Variants in EPHA5 observed in about 807,000 individuals in gnomAD.
The protein encoded by EPHA5 is ephrin type-A receptor 5.
Under a neutral mutation model 105.0 loss-of-function variants are expected in EPHA5, and 60 were observed. That is an observed-to-expected ratio of 0.57 (90% CI 0.46 to 0.71). EPHA5 has a LOEUF of 0.71. Among genes scored for constraint, EPHA5 ranks in the 30% least tolerant of loss-of-function variants. EPHA5 has a pLI of 0.00. For missense variants in EPHA5, 1,218 were observed against 1,274.7 expected (o/e 0.96, Z 0.68); for synonymous variants, 513 against 449.1 (o/e 1.14, Z -1.80).
intron 16 of EPHA5, among the ~76,000 whole-genome samples, chr4:65,330,349 A>G (rs1454363944): frequency 6.6e-6 from 1 of 151,516 alleles, no homozygotes; most frequent in Non-Finnish European, 1.5e-5. Flanking sequence ...AATAGAAAAA[A>G]AAGGAATAAG....
intron 3 of EPHA5, among the ~76,000 whole-genome samples, chr4:65,525,227 G>T (rs1307959198): frequency 1.3e-5 from 2 of 151,320 alleles, no homozygotes; most frequent in Admixed American, 6.6e-5. Flanking sequence ...GTGGCATTTG[G>T]CAGGAAATAC....
intron 2 of EPHA5, among the ~76,000 whole-genome samples, chr4:65,632,580 C>A (rs1383925489): frequency 6.7e-6 from 1 of 150,014 alleles, no homozygotes; most frequent in Non-Finnish European, 1.5e-5. Context: ...TCCAAACAAT[C>A]CCTTCTTCCT....
intron 5 of EPHA5, among the ~76,000 whole-genome samples, chr4:65,475,559 T>C (rs939404566): frequency 1.3e-5 from 2 of 152,114 alleles, no homozygotes; most frequent in Non-Finnish European, 1.5e-5. Context: ...TCCCTAGGAA[T>C]AGTAATAAAG....
At position 65,348,700 on chromosome 4, in the gene EPHA5, A is replaced by T. The variant is rs866326256; in HGVS notation, c.2446-497T>A. ...TATATATATATATATATATATATAA[A>T]ATATATATGTGTGTGTATATATATG... On this transcript the variant is annotated intron_variant, in intron 13 of 16. Coordinates refer to ENST00000613740, the MANE Select transcript of EPHA5 (RefSeq NM_001281766.3). Among the ~76,000 whole-genome samples the T allele has an allele frequency of 7.8e-3, 158 of 20,252 alleles. 3 individuals carry two copies. The highest frequency in any genetic ancestry group is 0.015 in the Non-Finnish European group (117 of 8,000). The allele number at this position is 20,252 out of a possible 152,430, so 13.3% of individuals were successfully genotyped here.
chr4:65,544,684 T>G (rs1737202732), intron 3 of EPHA5, among the ~76,000 whole-genome samples: 1 of 152,018 alleles, frequency 6.6e-6, no homozygotes, highest in Admixed American at 6.6e-5. Flanking sequence ...CTCAAAGGTC[T>G]AGAACCAGAA....
chr4:65,589,536 A>G (rs1742436106), intron 3 of EPHA5, among the ~76,000 whole-genome samples: 1 of 152,202 alleles, frequency 6.6e-6, no homozygotes, highest in South Asian at 2.1e-4. Flanking sequence ...GGGCAGCAAC[A>G]TTCTTGAAAG....
At chr4:65,567,560 A>G (rs1739681292) in intron 3 of EPHA5, among the ~76,000 whole-genome samples, 1 of 151,678 alleles carries the variant, frequency 6.6e-6, no homozygotes, top group Non-Finnish European at 1.5e-5. Flanking sequence ...CCAAACTGTC[A>G]GTATAAAACA....
At position 65,602,197 on chromosome 4, in the gene EPHA5, G is replaced by C. The variant is rs2149441422; in HGVS notation, c.354C>G (p.Ile118Met). 4.3e-6 allele frequency: 7 copies of C among 1,613,884 alleles called. No individual in the cohort carries two copies. Among genetic ancestry groups the C allele is most frequent in the Non-Finnish European group, 5.9e-6 (7 of 1,180,010 alleles). Residue 118 changes from isoleucine to methionine, a missense_variant, in exon 3 of 17, where the codon ATC (isoleucine) becomes ATG (methionine). Around this residue, in one of 3 missense-constraint regions of EPHA5, gnomAD observed 233 missense variants for 227.5 expected, o/e 1.02. Transcript: ENST00000613740. ...NQNNWLLTSW[I>M]SNEGASRIFI... ...AGATTCTGGAAGCACCTTCATTGGA[G>C]ATCCAACTGGTCAAAAGCCAGTTAT...
At chr4:65,439,012 A>G (rs1725758989) in intron 5 of EPHA5, among the ~76,000 whole-genome samples, 4 of 152,138 alleles carry the variant, frequency 2.6e-5, no homozygotes, top group African/African-American at 7.2e-5. Flanking sequence ...ACCCTTACAT[A>G]CACCAATTCA....
chr4:65,525,441 A>C (rs946810695), intron 3 of EPHA5, among the ~76,000 whole-genome samples: 15 of 151,758 alleles, frequency 9.9e-5, no homozygotes, highest in Non-Finnish European at 3.0e-5. Context: ...ATTTTCATAC[A>C]ATGTATTTTT....
intron 2 of EPHA5, among the ~76,000 whole-genome samples, chr4:65,626,363 T>C (rs989751140): frequency 6.6e-6 from 1 of 152,182 alleles, no homozygotes; most frequent in Non-Finnish European, 1.5e-5. Context: ...TGCTTACTTA[T>C]GTTTTTCAGA....
At chr4:65,474,218 TGAC>T (rs1475880241) in intron 5 of EPHA5, among the ~76,000 whole-genome samples, 1 of 152,084 alleles carries the variant, frequency 6.6e-6, no homozygotes, top group African/African-American at 2.4e-5. Flanking sequence ...ATACTGTAGA[TGAC>T]AGAAAAAATA....
chr4:65,506,286 T>C (rs919115138), intron 3 of EPHA5, among the ~76,000 whole-genome samples: 2 of 151,800 alleles, frequency 1.3e-5, no homozygotes, highest in Non-Finnish European at 2.9e-5. Flanking sequence ...TCTTTGCTGT[T>C]GTGAATAGTG....
At chr4:65,451,686 T>C (rs945778383) in intron 5 of EPHA5, among the ~76,000 whole-genome samples, 1 of 152,154 alleles carries the variant, frequency 6.6e-6, no homozygotes, top group African/African-American at 2.4e-5. Flanking sequence ...AAACTTTCTA[T>C]ATAATAGCAC....
intron 5 of EPHA5, among the ~76,000 whole-genome samples, chr4:65,448,748 T>A (rs1726801400): frequency 6.6e-6 from 1 of 152,122 alleles, no homozygotes; most frequent in Admixed American, 6.6e-5. Flanking sequence ...GAAAGAGCCA[T>A]GTATATGTGA....
chr4:65,400,224 A>T (rs1721680917), intron 8 of EPHA5, among the ~76,000 whole-genome samples: 1 of 152,198 alleles, frequency 6.6e-6, no homozygotes, highest in Non-Finnish European at 1.5e-5. Context: ...GAAAGTTATC[A>T]ATGCCCAATG....
chr4:65,341,174 G>T (rs1450033761), intron 14 of EPHA5, among the ~76,000 whole-genome samples: 1 of 152,106 alleles, frequency 6.6e-6, no homozygotes. Flanking sequence ...GTCAGTCATA[G>T]CCATGCAGGC....
chr4:65,613,479 A>T (rs201045169), intron 2 of EPHA5, among the ~76,000 whole-genome samples: 2 of 152,036 alleles, frequency 1.3e-5, no homozygotes, highest in East Asian at 3.9e-4. Flanking sequence ...TGGTCATTTT[A>T]ACTGTATTGA....
At chr4:65,412,738 A>G (rs1357520809) in intron 7 of EPHA5, among the ~76,000 whole-genome samples, 1 of 152,150 alleles carries the variant, frequency 6.6e-6, no homozygotes, top group East Asian at 1.9e-4. Flanking sequence ...ACAGGAAATG[A>G]TTAAGTATTA....
Sources: allele counts gnomAD v4.1 joint callset (sites outside exome capture counted in the v4.1 genomes callset), GRCh38; gene constraint gnomAD v4.1.1; regional missense constraint gnomAD v4.1.1; transcripts MANE v1.5; gene names NCBI Gene and HGNC (gene_info 2026-07-23, HGNC 2026-07-21).